The following OFD1 variants were observed in gnomAD, a reference collection of about 807,000 sequenced individuals.
OFD1 encodes the protein OFD1 centriole and centriolar satellite protein, also known as centriole and centriolar satellite protein OFD1.
In OFD1, 12 loss-of-function variants were observed where a neutral mutation model predicts 81.4. The observed-to-expected ratio is 0.15, with a 90% CI of 0.09 to 0.24. The LOEUF is 0.24. Ranked by LOEUF, OFD1 falls within the 10% of genes least tolerant of loss-of-function variation. The pLI, the probability that OFD1 is intolerant of heterozygous loss-of-function variation, is 1.00. For missense variants in OFD1, 685 were observed against 733.9 expected (o/e 0.93, Z 0.77); for synonymous variants, 256 against 263.7 (o/e 0.97, Z 0.28).
chrX:13,718,447 G>A, the OFD1 span, among the ~76,000 whole-genome samples: 1 of 112,658 alleles, frequency 8.9e-6, no homozygotes, highest in East Asian at 2.8e-4. Flanking sequence ...AGTGGTAGCA[G>A]GAGAAAGAAC....
At position 13,737,208 on chromosome X, in the gene OFD1, G is replaced by A. The variant is rs189975046; in HGVS notation, c.312+530G>A. On this transcript the variant is annotated intron_variant, in intron 3 of 22. Transcript: ENST00000340096. ...TTGTAATTAGATAAGTGAGAAATACGTAATTTAAAAAATCTGTAAAGTTCT... is the reference window on the plus strand; with the variant it reads ...TTGTAATTAGATAAGTGAGAAATACATAATTTAAAAAATCTGTAAAGTTCT... 1.9e-3 allele frequency among the ~76,000 whole-genome samples: 204 copies of A among 109,525 alleles called. 1 individual carries two copies. Among genetic ancestry groups the A allele is most frequent in the Non-Finnish European group, 3.2e-3 (166 of 52,667 alleles).
intron 5 of OFD1, among the ~76,000 whole-genome samples, chrX:13,743,372 A>G (rs934682254): frequency 1.8e-5 from 2 of 112,421 alleles, no homozygotes; most frequent in Non-Finnish European, 1.9e-5. Context: ...TTAACCCCCT[A>G]TTGATGGAGA....
intron 11 of OFD1, among the ~76,000 whole-genome samples, chrX:13,754,101 C>T (rs1350626592): frequency 9.0e-6 from 1 of 110,679 alleles, no homozygotes; most frequent in Non-Finnish European, 1.9e-5. Flanking sequence ...TCCACCTCAG[C>T]CTCCCCAGTA....
intron 7 of OFD1, 62 bp downstream of exon 7, chrX:13,746,517 A>G: frequency 8.8e-7 from 1 of 1,131,715 alleles, no homozygotes; most frequent in Non-Finnish European, 1.2e-6. Context: ...TAAAGTCTTA[A>G]CCATAGGTAT....
At chrX:13,725,586 A>G in the OFD1 span, among the ~76,000 whole-genome samples, 1 of 112,560 alleles carries the variant, frequency 8.9e-6, no homozygotes, top group South Asian at 3.7e-4. Context: ...CATCTACACC[A>G]AAACCCCATC....
chrX:13,769,411 G>T, downstream of OFD1: 1 of 245,404 alleles, frequency 4.1e-6, no homozygotes, highest in South Asian at 9.8e-5. Context: ...CTGCTCAACT[G>T]CAGGCCTACA....
rs375507459 is a variant in OFD1, at chrX:13,760,732, G to A, written c.2260+12G>A. ...AATGTATCTGGAAGGTAAGCCACCCGCACAAAGGGTTGCGGGGTGCTCTGG... is the reference window on the plus strand; with the variant it reads ...AATGTATCTGGAAGGTAAGCCACCCACACAAAGGGTTGCGGGGTGCTCTGG... On this transcript the variant is annotated intron_variant, in intron 16 of 22. Coordinates refer to ENST00000340096, the MANE Select transcript of OFD1 (RefSeq NM_003611.3). 316 of 1,208,716 alleles carry A rather than the reference G, an allele frequency of 2.6e-4. No individual in the cohort carries two copies. Among genetic ancestry groups the A allele is most frequent in the Non-Finnish European group, 3.3e-4 (294 of 894,522 alleles).
the OFD1 span, chrX:13,715,911 T>C: frequency 1.9e-6 from 2 of 1,075,011 alleles, no homozygotes; most frequent in East Asian, 7.1e-5. Context: ...AAAGGTAAAC[T>C]GCAGCCTAAG....
upstream of OFD1, among the ~76,000 whole-genome samples, chrX:13,730,580 G>A (rs1221953948): frequency 9.0e-6 from 1 of 111,495 alleles, no homozygotes; most frequent in Non-Finnish European, 1.9e-5. Context: ...TATACCCAAA[G>A]GATTACAAAT....
intron 7 of OFD1, 122 bp downstream of exon 7, chrX:13,746,577 G>T: frequency 1.1e-6 from 1 of 908,053 alleles, no homozygotes; most frequent in Admixed American, 2.9e-5. Context: ...CTGTACTGTT[G>T]TGCAAATTTT....
Position 13,738,556 on chromosome X carries a change from TATTTC to T in OFD1, c.313-288_313-284del, listed in dbSNP as rs201648434. ...GTCATGTAGTCATTGGTTCATCAGA[TATTTC>T]AGTGTCATCTGTAAGGCATTAAACA... On this transcript the variant is annotated intron_variant, in intron 3 of 22. Transcript: ENST00000340096. 264 of 211,619 alleles carry T rather than the reference TATTTC, an allele frequency of 1.2e-3. No individual in the cohort carries two copies. The East Asian group carries it at 0.02, about 16-fold the overall frequency. 17.4% of individuals were successfully genotyped at this position (211,619 alleles called of 1,213,427 possible).
chrX:13,750,710 C>G (rs900774310), intron 9 of OFD1, among the ~76,000 whole-genome samples: 6 of 112,096 alleles, frequency 5.4e-5, no homozygotes, highest in African/African-American at 1.9e-4. Flanking sequence ...CACTTGGGCT[C>G]AAGCAATCCT....
At position 13,746,284 on chromosome X, in the gene OFD1, T is replaced by G. The variant is rs1002119291; in HGVS notation, c.518-35T>G. 7 of 1,193,180 alleles carry G rather than the reference T, an allele frequency of 5.9e-6. No homozygotes were observed. In the African/African-American group the frequency reaches 1.2e-4, roughly 21 times the overall value. On this transcript the variant is annotated intron_variant, in intron 6 of 22. Transcript: ENST00000340096. ...GGCGTCTTACGCACCTGACGATGTT[T>G]CTATGTCCTAATTTGATGTGTTATT...
At position 13,735,326 on chromosome X, in the gene OFD1, G is replaced by A; in HGVS notation, c.91G>A (p.Gly31Ser). The change falls in exon 2 of 23, where the codon GGT (glycine) becomes AGT (serine). Residue 31 changes from glycine to serine, a missense_variant. By Grantham distance (56) the Gly-to-Ser change is moderately conservative. Coordinates refer to ENST00000340096, the MANE Select transcript of OFD1 (RefSeq NM_003611.3). ...KKLYQTFKDR[G>S]ILDTLKTQLR... is the part of the protein sequence containing the mutation. ...GCTATACCAGACGTTTAAGGATCGGGGTATACTGGATACACTCAAGGTATC... is the reference window on the plus strand; with the variant it reads ...GCTATACCAGACGTTTAAGGATCGGAGTATACTGGATACACTCAAGGTATC... 8.3e-7 allele frequency: 1 copy of A among 1,207,472 alleles called. No homozygotes were observed. The highest frequency in any genetic ancestry group is 1.1e-6 in the Non-Finnish European group (1 of 891,342).
At position 13,736,073 on chromosome X, in the gene OFD1, C is replaced by G. The variant is rs913619020; in HGVS notation, c.112-405C>G. ...TTTTTGTAATGTATATAGCAGTCCCCTGTTGTTGAATATTTTGGTTATATT... is the reference window on the plus strand; with the variant it reads ...TTTTTGTAATGTATATAGCAGTCCCGTGTTGTTGAATATTTTGGTTATATT... On this transcript the variant is annotated intron_variant, in intron 2 of 22. Coordinates refer to ENST00000340096, the MANE Select transcript of OFD1 (RefSeq NM_003611.3). The G allele has an allele frequency of 7.1e-6, 5 of 704,153 alleles. No homozygotes were observed. In the African/African-American group the frequency reaches 1.2e-4, roughly 17 times the overall value. The allele number at this position is 704,153 out of a possible 1,213,427, so 58.0% of individuals were successfully genotyped here. A position where few individuals can be genotyped will look rare whatever the true frequency, so the allele number is the denominator to read the frequency against.
At position 13,752,872 on chromosome X, in the gene OFD1, T is replaced by C. The variant is rs901403746; in HGVS notation, c.1056-496T>C. Reference sequence around the variant, plus strand: ...GGAAGTGAAACTGTGAAAATGTGCCTTTTGGTATTGCTAATCCGGATATAA... The same window carrying C: ...GGAAGTGAAACTGTGAAAATGTGCCCTTTGGTATTGCTAATCCGGATATAA... On this transcript the variant is annotated intron_variant, in intron 10 of 22. Transcript: ENST00000340096. 2.4e-5 allele frequency: 23 copies of C among 953,026 alleles called. No homozygotes were observed. In the African/African-American group the frequency reaches 3.9e-4, roughly 16 times the overall value. The allele number at this position is 953,026 out of a possible 1,213,427, so 78.5% of individuals were successfully genotyped here. A position where few individuals can be genotyped will look rare whatever the true frequency, so the allele number is the denominator to read the frequency against.
downstream of OFD1, chrX:13,773,339 A>G (rs190459628): frequency 4.7e-3 from 841 of 180,148 alleles, 29 homozygotes; most frequent in Admixed American, 0.055. Context: ...TACCATTTTG[A>G]GAGTAATTTT....
At chrX:13,765,182 G>A (rs899107017) in intron 19 of OFD1, among the ~76,000 whole-genome samples, 2 of 109,532 alleles carry the variant, frequency 1.8e-5, no homozygotes, top group Admixed American at 1.9e-4. Context: ...TCTTCATCTG[G>A]GCACAAAGGG....
chrX:13,734,575 G>A (rs749275735), upstream of OFD1: 2 of 544,777 alleles, frequency 3.7e-6, no homozygotes, highest in African/African-American at 2.4e-5. Flanking sequence ...CCGCGGAAGA[G>A]ACCCGCGCCC....
Sources: allele counts gnomAD v4.1 joint callset (sites outside exome capture counted in the v4.1 genomes callset), GRCh38; gene constraint gnomAD v4.1.1; transcripts MANE v1.5; gene names NCBI Gene and HGNC (gene_info 2026-07-23, HGNC 2026-07-21).